Variants in LCP1 observed in about 807,000 individuals in gnomAD.
The protein encoded by LCP1 is plastin-2.
LCP1 carries 23 observed loss-of-function variants against 72.0 expected under a neutral mutation model. The observed-to-expected ratio is 0.32, with a 90% CI of 0.23 to 0.45. LCP1 has a LOEUF of 0.45. LCP1 is among the 20% of genes least tolerant of loss of function. The pLI, the probability that LCP1 is intolerant of heterozygous loss-of-function variation, is 1.00. For missense variants in LCP1, 571 were observed against 748.3 expected (o/e 0.76, Z 2.76); for synonymous variants, 245 against 275.4 (o/e 0.89, Z 1.09).
At chr13:46,129,774 A>G (rs2045622629) in intron 15 of LCP1, among the ~76,000 whole-genome samples, 1 of 152,112 alleles carries the variant, frequency 6.6e-6, no homozygotes, top group Non-Finnish European at 1.5e-5. Flanking sequence ...CGAAATTCAT[A>G]TGCTGAAGTC....
At chr13:46,141,295 A>G (rs1375231118) in intron 13 of LCP1, among the ~76,000 whole-genome samples, 1 of 151,044 alleles carries the variant, frequency 6.6e-6, no homozygotes, top group Non-Finnish European at 1.5e-5. Context: ...AGTCCCAGCT[A>G]CTCAGGAGGC....
chr13:46,158,389 T>G (rs1279775284), intron 4 of LCP1, 133 bp downstream of exon 4: 1 of 928,760 alleles, frequency 1.1e-6, no homozygotes, highest in East Asian at 2.5e-5. Flanking sequence ...CTGACCCACT[T>G]AGTCACAGGA....
chr13:46,158,405 G>T, intron 4 of LCP1, 117 bp downstream of exon 4: 1 of 1,152,904 alleles, frequency 8.7e-7, no homozygotes, highest in Non-Finnish European at 1.2e-6. Flanking sequence ...CAGGAAAATT[G>T]GGAGTCATCC....
At chr13:46,163,062 G>A (rs2045853858) in intron 1 of LCP1, among the ~76,000 whole-genome samples, 1 of 151,278 alleles carries the variant, frequency 6.6e-6, no homozygotes, top group Admixed American at 6.6e-5. Context: ...GGGAGGTGGG[G>A]GGCGCCTCTG....
chr13:46,143,259 C>T, intron 12 of LCP1, 31 bp downstream of exon 12: 1 of 1,499,106 alleles, frequency 6.7e-7, no homozygotes, highest in Non-Finnish European at 9.3e-7. Flanking sequence ...CTTTGCCTGT[C>T]TCCTGGAACA....
At chr13:46,177,653 C>T (rs986433645) in intron 1 of LCP1, among the ~76,000 whole-genome samples, 2 of 152,070 alleles carry the variant, frequency 1.3e-5, no homozygotes, top group Non-Finnish European at 2.9e-5. Flanking sequence ...GAGCCGAGAT[C>T]GCGCCACTGC....
At chr13:46,128,583 G>C (rs1323109278) in intron 15 of LCP1, among the ~76,000 whole-genome samples, 1 of 151,710 alleles carries the variant, frequency 6.6e-6, no homozygotes, top group African/African-American at 2.4e-5. Context: ...GGGCAACAAA[G>C]TGAGACTCCG....
intron 15 of LCP1, among the ~76,000 whole-genome samples, chr13:46,128,891 G>T (rs2045617519): frequency 6.6e-6 from 1 of 151,772 alleles, no homozygotes; most frequent in African/African-American, 2.4e-5. Flanking sequence ...TCTTACTATG[G>T]TTACACCAGA....
At position 46,147,120 on chromosome 13, in the gene LCP1, T is replaced by C. The variant is rs1351760488; in HGVS notation, c.979-17A>G. 2 of 1,559,942 alleles carry C rather than the reference T, an allele frequency of 1.3e-6. No homozygotes were observed. ...ATCCTTCTCCTGCAATGCAAAAGGATGTCTCAGGGCTGGGTCAAGGCTCTC... is the reference window on the plus strand; with the variant it reads ...ATCCTTCTCCTGCAATGCAAAAGGACGTCTCAGGGCTGGGTCAAGGCTCTC... On this transcript the variant is annotated splice_polypyrimidine_tract_variant and intron_variant, in intron 9 of 15. Coordinates refer to ENST00000323076, the MANE Select transcript of LCP1 (RefSeq NM_002298.5).
Position 46,129,629 on chromosome 13 carries a change from T to A in LCP1, c.1751+1185A>T, listed in dbSNP as rs564365514. Among the ~76,000 whole-genome samples, 6 of 152,258 alleles carry A rather than the reference T, an allele frequency of 3.9e-5. No individual in the cohort carries two copies. In the South Asian group the frequency reaches 8.3e-4, roughly 21 times the overall value. ...CATTAAATTGTGTTAAACTTTGGCA[T>A]CCCGAGAGCACAGGTTCCCACTTTC... On this transcript the variant is annotated intron_variant, in intron 15 of 15. Transcript: ENST00000323076.
In LCP1 at chr13:46,154,890, A is replaced by C. The variant is rs1276347733; in HGVS notation, c.492-4T>G. ...CACTGACAGGTTGATCATTTTACTG[A>C]AAGAGAAACAATTAAATTAAAGAAA... is the stretch of plus-strand genomic sequence containing the variant. On this transcript the variant is annotated splice_region_variant and splice_polypyrimidine_tract_variant and intron_variant, in intron 5 of 15. Transcript: ENST00000323076. The C allele has an allele frequency of 1.2e-6, 2 of 1,610,422 alleles. No homozygotes were observed. Among genetic ancestry groups the C allele is most frequent in the Non-Finnish European group, 1.7e-6 (2 of 1,176,690 alleles).
rs1491179460 is a variant in LCP1 at position 46,176,900 on chromosome 13, T to TGC, written c.-25+5210_-25+5211insGC. ...TTGTGTGTGTGTGTGTGTGTGTGTGTGTGAGAGAGCGAGAGAGAGAGAGGG... is the reference window on the plus strand; with the variant it reads ...TTGTGTGTGTGTGTGTGTGTGTGTGTGCGTGAGAGAGCGAGAGAGAGAGAGGG... On this transcript the variant is annotated intron_variant, in intron 1 of 15. Transcript: ENST00000323076. Among the ~76,000 whole-genome samples, 340 of 139,644 alleles carry TGC rather than the reference T, an allele frequency of 2.4e-3. 8 individuals are homozygous for TGC. Among genetic ancestry groups the TGC allele is most frequent in the Non-Finnish European group, 4.3e-3 (266 of 62,548 alleles). The allele number at this position is 139,644 out of a possible 152,430, so 91.6% of individuals were successfully genotyped here.
intron 1 of LCP1, among the ~76,000 whole-genome samples, chr13:46,167,934 G>A (rs1282305134): frequency 6.6e-6 from 1 of 152,126 alleles, no homozygotes; most frequent in Non-Finnish European, 1.5e-5. Context: ...AAACGAACAA[G>A]TGAAAAGGTT....
Position 46,130,921 on chromosome 13 carries a change from T to G in LCP1, c.1644A>C (p.Thr548=). 1 of 1,607,036 alleles carries G rather than the reference T, an allele frequency of 6.2e-7. No homozygotes were observed. Among genetic ancestry groups the G allele is most frequent in the South Asian group, 1.1e-5 (1 of 89,470 alleles). ...ISSFKDPKIS[T]SLPVLDLIDA... The stretch of plus-strand genomic sequence containing the variant: ...CGATGAGGTCCAGAACAGGCAGACT[T>G]GTACTAATCTTCGGGTCCTATGCAG... The change falls in exon 15 of 16, where the codon ACA becomes ACC. Residue 548 remains threonine (T), a synonymous_variant. Coordinates refer to ENST00000323076, the MANE Select transcript of LCP1 (RefSeq NM_002298.5).
Position 46,147,164 on chromosome 13 carries a change from C to T in LCP1, c.979-61G>A, listed in dbSNP as rs551644859. 1.4e-3 allele frequency: 1,909 copies of T among 1,371,650 alleles called. 4 individuals carry two copies. The highest frequency in any genetic ancestry group is 1.9e-3 in the South Asian group (129 of 69,228). The allele number at this position is 1,371,650 out of a possible 1,614,324, so 85.0% of individuals were successfully genotyped here. ...GGCTCTCCATGCACAAAGCAGATTG[C>T]ATAATGTGAAAAGAAATGGGAATCT... On this transcript the variant is annotated intron_variant, in intron 9 of 15. Transcript: ENST00000323076.
At chr13:46,164,089 A>G (rs2045862987) in intron 1 of LCP1, among the ~76,000 whole-genome samples, 1 of 152,242 alleles carries the variant, frequency 6.6e-6, no homozygotes, top group Admixed American at 6.5e-5. Context: ...AGTTATCCTG[A>G]AAGCATGGAA....
chr13:46,154,929 T>C, intron 5 of LCP1, 43 bp from the exon 6 acceptor site: 1 of 1,453,040 alleles, frequency 6.9e-7, no homozygotes, highest in Non-Finnish European at 9.7e-7. Flanking sequence ...GTCTTCTGAA[T>C]AACAGAGCCC....
chr13:46,174,524 A>C lies in LCP1; in HGVS notation c.-25+7587T>G, dbSNP rs1291472059. Among the ~76,000 whole-genome samples the C allele has an allele frequency of 2.6e-4, 40 of 152,140 alleles. 2 individuals carry two copies. Among genetic ancestry groups the C allele is most frequent in the Admixed American group, 2.6e-3 (40 of 15,258 alleles). The stretch of plus-strand genomic sequence containing the variant: ...ATACCAGCCGACCTAACAAAAGGAG[A>C]CTTGGGATCTCTTCCTGATAGAACA... On this transcript the variant is annotated intron_variant, in intron 1 of 15. Transcript: ENST00000323076.
chr13:46,163,583 T>C lies in LCP1; in HGVS notation c.-24-3897A>G, dbSNP rs189693356. Among the ~76,000 whole-genome samples the C allele has an allele frequency of 4.9e-3, 741 of 150,228 alleles. 3 individuals are homozygous for C. The highest frequency in any genetic ancestry group is 0.018 in the African/African-American group (714 of 40,508). On this transcript the variant is annotated intron_variant, in intron 1 of 15. Transcript: ENST00000323076. ...GCTGACCTTCCCTCCACTATTGTCC[T>C]GTGACCCTGCCAAATCCCCCTCTGC...
Sources: gnomAD v4.1 joint callset for allele counts (sites outside exome capture counted in the v4.1 genomes callset) on GRCh38, gnomAD v4.1.1 for gene constraint, MANE v1.5 for transcripts, NCBI Gene and HGNC (gene_info 2026-07-23, HGNC 2026-07-21) for gene names.